SRD5A2: variants seen among roughly 807,000 people sequenced by gnomAD.
The protein encoded by SRD5A2 is 3-oxo-5-alpha-steroid 4-dehydrogenase 2.
Under a neutral mutation model 27.4 loss-of-function variants are expected in SRD5A2, and 30 were observed. The ratio of observed to expected loss-of-function variants is 1.10; its 90% CI spans 0.82 to 1.49. SRD5A2 has a LOEUF of 1.49. Ranked by LOEUF, SRD5A2 falls within the 40% of genes most tolerant of loss-of-function variation. SRD5A2 has a pLI of 0.00. For synonymous variants in SRD5A2, 141 were observed against 133.6 expected (o/e 1.06, Z -0.38); for missense variants, 348 against 323.4 (o/e 1.08, Z -0.58).
At chr2:31,563,729 C>A (rs1666673935) in intron 1 of SRD5A2, among the ~76,000 whole-genome samples, 1 of 151,988 alleles carries the variant, frequency 6.6e-6, no homozygotes, top group African/African-American at 2.4e-5. Context: ...AAGAATCACC[C>A]AAAAGAATTA....
At chr2:31,593,749 C>T in the SRD5A2 span, among the ~76,000 whole-genome samples, 557 of 152,168 alleles carry the variant, frequency 3.7e-3, 4 homozygotes, top group African/African-American at 0.013. Flanking sequence ...ATAGCCACCA[C>T]GTTATCTAAA....
chr2:31,584,368 A>G (rs1667142442), upstream of SRD5A2, among the ~76,000 whole-genome samples: 1 of 152,252 alleles, frequency 6.6e-6, no homozygotes, highest in African/African-American at 2.4e-5. Flanking sequence ...AAGGAAGTCA[A>G]TTAAATCCAG....
rs1665765564 is a variant in SRD5A2 at position 31,525,853 on chromosome 2, G to A, written c.*343C>T. 3.6e-6 allele frequency: 1 copy of A among 275,586 alleles called. No individual in the cohort carries two copies. The highest frequency in any genetic ancestry group is 6.9e-6 in the Non-Finnish European group (1 of 144,228). 17.1% of individuals were successfully genotyped at this position (275,586 alleles called of 1,614,324 possible). ...AAATTCTTGATTACAGAGTTGTCCTGCATTGACAGGGAGTGGGTATGAAGC... is the reference window on the plus strand; with the variant it reads ...AAATTCTTGATTACAGAGTTGTCCTACATTGACAGGGAGTGGGTATGAAGC... On this transcript the variant is annotated 3_prime_UTR_variant, in exon 5 of 5. Coordinates refer to ENST00000622030, the MANE Select transcript of SRD5A2 (RefSeq NM_000348.4).
chr2:31,592,304 C>G, the SRD5A2 span, among the ~76,000 whole-genome samples: 1 of 152,160 alleles, frequency 6.6e-6, no homozygotes, highest in Non-Finnish European at 1.5e-5. Context: ...GAGAAAACAA[C>G]AGCTAATTCC....
the SRD5A2 span, among the ~76,000 whole-genome samples, chr2:31,624,989 G>A: frequency 6.6e-6 from 1 of 152,164 alleles, no homozygotes; most frequent in East Asian, 1.9e-4. Flanking sequence ...GAGTAAAAGT[G>A]TTCCTATTTC....
At chr2:31,623,222 T>C in the SRD5A2 span, among the ~76,000 whole-genome samples, 1 of 152,144 alleles carries the variant, frequency 6.6e-6, no homozygotes, top group South Asian at 2.1e-4. Flanking sequence ...CAACCCATTT[T>C]GAACTCGAAT....
At chr2:31,640,535 CAG>C in the SRD5A2 span, among the ~76,000 whole-genome samples, 1 of 152,122 alleles carries the variant, frequency 6.6e-6, no homozygotes, top group East Asian at 1.9e-4. Flanking sequence ...GCCTCCTGTT[CAG>C]CTCTAGATAG....
the SRD5A2 span, among the ~76,000 whole-genome samples, chr2:31,646,297 T>C: frequency 6.6e-6 from 1 of 152,140 alleles, no homozygotes; most frequent in Admixed American, 6.5e-5. Flanking sequence ...TAATTATTAA[T>C]AGGTAAATGT....
the SRD5A2 span, among the ~76,000 whole-genome samples, chr2:31,602,705 C>T: frequency 1.3e-5 from 2 of 151,954 alleles, no homozygotes; most frequent in Non-Finnish European, 2.9e-5. Context: ...GGTGGAAGAA[C>T]AGATACATGG....
chr2:31,660,526 C>T, the SRD5A2 span, among the ~76,000 whole-genome samples: 10 of 151,606 alleles, frequency 6.6e-5, no homozygotes, highest in South Asian at 2.1e-4. Context: ...TTATGGACTT[C>T]GGGTGATTAT....
At chr2:31,594,042 A>C in the SRD5A2 span, among the ~76,000 whole-genome samples, 1 of 152,372 alleles carries the variant, frequency 6.6e-6, no homozygotes, top group East Asian at 1.9e-4. Context: ...AAATGCTAAA[A>C]GAAATTCTAA....
chr2:31,583,652 C>CAAAAAAAAAAAAGAAAAAAAAAAAAAAA (rs1352139998), upstream of SRD5A2, among the ~76,000 whole-genome samples: 4 of 20,922 alleles, frequency 1.9e-4, no homozygotes, highest in African/African-American at 4.0e-4. Flanking sequence ...AAAAAAAAAC[C>CAAAAAAAAAAAAGAAAAAAAAAAAAAAA]AAAAAAAAAG....
At chr2:31,567,457 T>TGTATATAC in intron 1 of SRD5A2, among the ~76,000 whole-genome samples, 1 of 26,970 alleles carries the variant, frequency 3.7e-5, no homozygotes, top group East Asian at 5.4e-4. Flanking sequence ...TGTGTGTGTG[T>TGTATATAC]ATATATATAT....
chr2:31,657,557 A>G, the SRD5A2 span, among the ~76,000 whole-genome samples: 4 of 152,292 alleles, frequency 2.6e-5, no homozygotes, highest in East Asian at 3.9e-4. Context: ...TGTTCAGCCA[A>G]TAGATTCTCT....
chr2:31,655,973 C>T, the SRD5A2 span, among the ~76,000 whole-genome samples: 2 of 152,278 alleles, frequency 1.3e-5, no homozygotes, highest in South Asian at 4.1e-4. Context: ...CATCCTCTGA[C>T]GCTGAGAGAG....
the SRD5A2 span, among the ~76,000 whole-genome samples, chr2:31,611,058 A>T: frequency 6.6e-6 from 1 of 152,234 alleles, no homozygotes; most frequent in East Asian, 1.9e-4. Flanking sequence ...GCAGTGAGCC[A>T]AGATTGCACC....
At chr2:31,657,459 T>G in the SRD5A2 span, among the ~76,000 whole-genome samples, 3 of 152,202 alleles carry the variant, frequency 2.0e-5, no homozygotes, top group Non-Finnish European at 4.4e-5. Context: ...GGCACAATCG[T>G]AGCTCACTAC....
At chr2:31,628,748 T>C in the SRD5A2 span, among the ~76,000 whole-genome samples, 1 of 152,152 alleles carries the variant, frequency 6.6e-6, no homozygotes, top group East Asian at 1.9e-4. Context: ...GGATATGACA[T>C]TCTTGGTTGA....
chr2:31,526,533 C>G (rs1445969915), intron 4 of SRD5A2, among the ~76,000 whole-genome samples: 1 of 151,962 alleles, frequency 6.6e-6, no homozygotes, highest in Non-Finnish European at 1.5e-5. Flanking sequence ...CTGAATTTTA[C>G]AATTAAAAAC....
Sources: allele counts gnomAD v4.1 joint callset (sites outside exome capture counted in the v4.1 genomes callset), GRCh38; gene constraint gnomAD v4.1.1; transcripts MANE v1.5; gene names NCBI Gene and HGNC (gene_info 2026-07-23, HGNC 2026-07-21).